Variants in PCDHGA3 observed in about 807,000 individuals in gnomAD.
PCDHGA3 encodes protocadherin gamma subfamily A, 3.
Under a neutral mutation model 58.5 loss-of-function variants are expected in PCDHGA3, and 40 were observed. That is an observed-to-expected ratio of 0.68 (90% CI 0.53 to 0.89). PCDHGA3 has a LOEUF of 0.89. PCDHGA3 is among the 40% of genes least tolerant of loss of function. PCDHGA3 has a pLI of 0.00. For missense variants in PCDHGA3, 1,223 were observed against 1,195.9 expected (o/e 1.02, Z -0.33); for synonymous variants, 530 against 525.7 (o/e 1.01, Z -0.11).
At chr5:141,366,922 C>T in intron 1 of PCDHGA3, 1 of 1,046,460 alleles carries the variant, frequency 9.6e-7, no homozygotes, top group Non-Finnish European at 1.3e-6. Context: ...TTTTCAAATT[C>T]TGTTTTGGGA....
At chr5:141,419,348 G>A (rs1195474899) in intron 1 of PCDHGA3, 1 of 1,613,816 alleles carries the variant, frequency 6.2e-7, no homozygotes, top group Non-Finnish European at 8.5e-7. Context: ...CAGCGACCTG[G>A]AGTCACGAAC....
In PCDHGA3 at chr5:141,431,280, C is replaced by T. The variant is rs2097357763; in HGVS notation, c.2425-63527C>T. The T allele has an allele frequency of 1.9e-6, 3 of 1,614,146 alleles. No homozygotes were observed. Among genetic ancestry groups the T allele is most frequent in the South Asian group, 1.1e-5 (1 of 91,088 alleles). ...TCTCTGCAGAGCTACGAGCTCAGCC[C>T]GAACACTCACTTCTCCCTCATCGTG... On this transcript the variant is annotated intron_variant, in intron 1 of 3. Transcript: ENST00000253812. This position sits in a 1 kb window ranked among gnomAD's most constrained non-coding sequence, Gnocchi z 4.8.
Position 141,486,534 on chromosome 5 carries a change from C to G in PCDHGA3, c.2425-8273C>G. The stretch of plus-strand genomic sequence containing the variant: ...TCAGATGTGAATGATAATCCACCCT[C>G]TTTCTTTCAGAGGTCACATGAGGTG... On this transcript the variant is annotated intron_variant, in intron 1 of 3. Transcript: ENST00000253812. The surrounding 1 kb of genome is among the most constrained non-coding windows in gnomAD (Gnocchi z 5.0). 1 of 1,614,176 alleles carries G rather than the reference C, an allele frequency of 6.2e-7. No individual in the cohort carries two copies. Among genetic ancestry groups the G allele is most frequent in the Non-Finnish European group, 8.5e-7 (1 of 1,180,030 alleles).
intron 1 of PCDHGA3, chr5:141,478,831 G>C: frequency 7.0e-7 from 1 of 1,435,672 alleles, no homozygotes; most frequent in Non-Finnish European, 9.1e-7. Flanking sequence ...ATCTTGCTAA[G>C]GGATGGTTAA....
intron 1 of PCDHGA3, among the ~76,000 whole-genome samples, chr5:141,349,623 A>G (rs1758327450): frequency 6.6e-6 from 1 of 152,182 alleles, no homozygotes; most frequent in African/African-American, 2.4e-5. Context: ...CTGAATTGAT[A>G]ACATATATAT....
intron 1 of PCDHGA3, among the ~76,000 whole-genome samples, chr5:141,461,768 C>T (rs532591390): frequency 1.3e-5 from 2 of 152,016 alleles, no homozygotes; most frequent in African/African-American, 4.8e-5. Context: ...ATTCTCCTGC[C>T]TCAGCCTCCC....
In PCDHGA3 at chr5:141,431,508, G is replaced by A. The variant is rs774545870; in HGVS notation, c.2425-63299G>A. ...TTTGCTCAGCCCGAGTACCGCGCGA[G>A]CGTTCCGGAGAATCTGGCCTTGGGC... On this transcript the variant is annotated intron_variant, in intron 1 of 3. Coordinates refer to ENST00000253812, the MANE Select transcript of PCDHGA3 (RefSeq NM_018916.4). The surrounding 1 kb of genome is among the most constrained non-coding windows in gnomAD (Gnocchi z 4.8). 12 of 1,613,914 alleles carry A rather than the reference G, an allele frequency of 7.4e-6. No individual in the cohort carries two copies. Among genetic ancestry groups the A allele is most frequent in the East Asian group, 2.2e-5 (1 of 44,904 alleles).
intron 1 of PCDHGA3, among the ~76,000 whole-genome samples, chr5:141,382,554 T>C (rs1388983108): frequency 6.6e-6 from 1 of 152,216 alleles, no homozygotes; most frequent in African/African-American, 2.4e-5. Flanking sequence ...CAGGGATATC[T>C]AGAGCAAAGA....
chr5:141,346,543 T>C, intron 1 of PCDHGA3, 86 bp downstream of exon 1: 1 of 1,545,946 alleles, frequency 6.5e-7, no homozygotes, highest in Non-Finnish European at 8.8e-7. Flanking sequence ...ATTTGAGAAA[T>C]AAAGCCATGA....
At chr5:141,387,732 C>A (rs940812767) in intron 1 of PCDHGA3, 15 of 1,279,330 alleles carry the variant, frequency 1.2e-5, no homozygotes, top group South Asian at 1.6e-5. Context: ...CAGCGCCAGC[C>A]TTTACACCGC....
At chr5:141,365,887 C>T in intron 1 of PCDHGA3, 1 of 1,614,160 alleles carries the variant, frequency 6.2e-7, no homozygotes, top group Middle Eastern at 1.6e-4. Flanking sequence ...CTCTGAGATC[C>T]TTCGACTATG....
At chr5:141,387,576 G>A in intron 1 of PCDHGA3, 2 of 487,618 alleles carry the variant, frequency 4.1e-6, no homozygotes, top group Non-Finnish European at 7.2e-6. Flanking sequence ...TATAATTATT[G>A]CACTGGTTAA....
chr5:141,355,171 A>C (rs1759739774), intron 1 of PCDHGA3: 1 of 1,572,168 alleles, frequency 6.4e-7, no homozygotes, highest in Non-Finnish European at 8.6e-7. Flanking sequence ...GGGAAAACCG[A>C]AGCACAGGCG....
At chr5:141,376,334 C>A (rs11575955) in intron 1 of PCDHGA3, 21,352 of 1,614,178 alleles carry the variant, frequency 0.013, 167 homozygotes, top group Non-Finnish European at 0.016. Flanking sequence ...GGCTTTCCTG[C>A]AGACCTATTC....
intron 1 of PCDHGA3, chr5:141,413,303 T>G (rs772421197): frequency 6.8e-6 from 11 of 1,613,942 alleles, no homozygotes; most frequent in Middle Eastern, 3.3e-4. Flanking sequence ...CCTGAGGAAT[T>G]AGAGAAAGGC....
At chr5:141,378,996 A>G (rs1477172762) in intron 1 of PCDHGA3, 1 of 152,260 alleles carries the variant, frequency 6.6e-6, no homozygotes, top group Non-Finnish European at 1.5e-5. Context: ...CATTATAGTC[A>G]AGATTTTTCT....
intron 1 of PCDHGA3, among the ~76,000 whole-genome samples, chr5:141,470,152 T>C (rs546219809): frequency 2.6e-5 from 4 of 152,308 alleles, no homozygotes; most frequent in African/African-American, 9.6e-5. Context: ...ATAGATCATC[T>C]TATCAAATCA....
Position 141,350,495 on chromosome 5 carries a change from G to A in PCDHGA3, c.2424+4038G>A, listed in dbSNP as rs1406977700. Reference sequence around the variant, plus strand: ...TTATTTCAACGTTAGTTTGGAGAGCGGGGATTTGTTAGTGAACGGTAGGAT... The same window carrying A: ...TTATTTCAACGTTAGTTTGGAGAGCAGGGATTTGTTAGTGAACGGTAGGAT... On this transcript the variant is annotated intron_variant, in intron 1 of 3. Coordinates refer to ENST00000253812, the MANE Select transcript of PCDHGA3 (RefSeq NM_018916.4). 2.5e-6 allele frequency: 4 copies of A among 1,613,908 alleles called. No individual in the cohort carries two copies. The highest frequency in any genetic ancestry group is 2.7e-5 in the African/African-American group (2 of 74,912).
intron 1 of PCDHGA3, among the ~76,000 whole-genome samples, chr5:141,484,281 C>T (rs969039536): frequency 6.6e-6 from 1 of 152,202 alleles, no homozygotes; most frequent in Admixed American, 6.5e-5. Context: ...TGTTTTGAAA[C>T]ATCTCCCTCT....
Sources: allele counts gnomAD v4.1 joint callset (sites outside exome capture counted in the v4.1 genomes callset), GRCh38; gene constraint gnomAD v4.1.1; non-coding constraint Gnocchi (gnomAD v3.1); transcripts MANE v1.5; gene names NCBI Gene and HGNC (gene_info 2026-07-23, HGNC 2026-07-21).